PTPRN2: variants seen among roughly 807,000 people sequenced by gnomAD.
The protein encoded by PTPRN2 is protein tyrosine phosphatase receptor type N2, also known as receptor-type tyrosine-protein phosphatase N2.
A neutral mutation model predicts 118.8 loss-of-function variants in PTPRN2; 74 were observed. That is an observed-to-expected ratio of 0.62 (90% confidence interval 0.52 to 0.76). The LOEUF is 0.76. Among genes scored for constraint, PTPRN2 ranks in the 30% least tolerant of loss-of-function variants. The pLI is 0.00. For synonymous variants in PTPRN2, 641 were observed against 608.0 expected, an observed-to-expected ratio of 1.05 and a Z score of -0.80; for missense variants, 1,481 against 1,394.4, an observed-to-expected ratio of 1.06 and a Z score of -0.99.
At chr7:158,434,661 G>A (rs1816449904) in intron 2 of PTPRN2, among the ~76,000 whole-genome samples, 1 of 151,870 alleles carries the variant, frequency 6.6e-6, no homozygotes, top group South Asian at 2.1e-4. Context: ...CTAATATATT[G>A]GGATTTATAT....
At chr7:158,122,479 C>T (rs1396234298) in intron 9 of PTPRN2, among the ~76,000 whole-genome samples, 2 of 152,114 alleles carry the variant, frequency 1.3e-5, no homozygotes, top group African/African-American at 4.8e-5. Context: ...AATGAGTGCA[C>T]GGGTGGACGC....
rs770597276 is a variant in PTPRN2 at position 158,071,761 on chromosome 7, T to C, written c.1723+9537A>G. Among the ~76,000 whole-genome samples the C allele has an allele frequency of 4.6e-3, 603 of 132,202 alleles. 12 individuals carry two copies. The highest frequency in any genetic ancestry group is 9.0e-3 in the Middle Eastern group (2 of 222). The allele number at this position is 132,202 out of a possible 152,430, so 86.7% of individuals were successfully genotyped here. A position where few individuals can be genotyped will look rare whatever the true frequency, so the allele number is the denominator to read the frequency against. On this transcript the variant is annotated intron_variant, in intron 11 of 22. Transcript: ENST00000389418. ...GTGGAGGTGCTCATGGTGGAGGTGC[T>C]CGTGGTGATGGAGGTGCTTGTGGTG... is the stretch of plus-strand genomic sequence containing the variant.
In PTPRN2 at chr7:157,977,559, C is replaced by A. The variant is rs924221112; in HGVS notation, c.1724-78822G>T. Among the ~76,000 whole-genome samples the A allele has an allele frequency of 6.6e-6, 1 of 150,448 alleles. No individual in the cohort carries two copies. The highest frequency in any genetic ancestry group is 2.5e-5 in the African/African-American group (1 of 40,516). ...GTGAGTGTGTTCATGGAGTAGTGTACAAGGCCCCAGGTGGGATGACGTGAG... is the reference window on the plus strand; with the variant it reads ...GTGAGTGTGTTCATGGAGTAGTGTAAAAGGCCCCAGGTGGGATGACGTGAG... On this transcript the variant is annotated intron_variant, in intron 11 of 22. Transcript: ENST00000389418. The surrounding 1 kb of genome is among the most constrained non-coding windows in gnomAD (Gnocchi z 4.6).
chr7:158,112,451 A>G (rs1489371295), intron 9 of PTPRN2, among the ~76,000 whole-genome samples: 2 of 152,162 alleles, frequency 1.3e-5, no homozygotes, highest in Non-Finnish European at 2.9e-5. Context: ...AGACGAGTGC[A>G]GGAGGCCGTC....
At position 157,740,148 on chromosome 7, in the gene PTPRN2, A is replaced by G. The variant is rs1585348527; in HGVS notation, c.1789-57211T>C. 3 of 152,346 alleles carry G rather than the reference A, an allele frequency of 2.0e-5. No individual in the cohort carries two copies. The East Asian group carries it at 5.8e-4, about 29-fold the overall frequency. 9.4% of individuals were successfully genotyped at this position (152,346 alleles called of 1,614,324 possible). A position where few individuals can be genotyped will look rare whatever the true frequency, so the allele number is the denominator to read the frequency against. On this transcript the variant is annotated intron_variant, in intron 12 of 22. Transcript: ENST00000389418. ...ATCACTTTATTTAACCGTGTTGTAC[A>G]CATACACCCACTTTGCTTTGTATAT...
intron 2 of PTPRN2, among the ~76,000 whole-genome samples, chr7:158,407,151 GGTCCTGGGTCCTGGGTCCTGC>G (rs1563254168): frequency 9.0e-6 from 1 of 111,050 alleles, no homozygotes; most frequent in African/African-American, 3.1e-5. Context: ...CTGCGTCCTG[GGTCCTGGGTCCTGGGTCCTGC>G]GTCCTGCGTC....
chr7:158,156,982 T>C, intron 6 of PTPRN2, among the ~76,000 whole-genome samples: 1 of 151,392 alleles, frequency 6.6e-6, no homozygotes, highest in East Asian at 2.0e-4. Flanking sequence ...GGCCTCCCCA[T>C]TGTGCTAACA....
intron 1 of PTPRN2, among the ~76,000 whole-genome samples, chr7:158,572,112 A>T (rs1828074976): frequency 6.6e-6 from 1 of 152,204 alleles, no homozygotes. Context: ...AAGGTTCTGG[A>T]GGGCAGGGAC....
chr7:158,555,699 G>T lies in PTPRN2; in HGVS notation c.112+31859C>A, dbSNP rs1454691305. ...AAGCTGGCAACAGAGTCAGGAATCT[G>T]AAGGGTAAAGGGAGCTCTTCCGCCA... On this transcript the variant is annotated intron_variant, in intron 1 of 22. Transcript: ENST00000389418. The surrounding 1 kb of genome is among the most constrained non-coding windows in gnomAD (Gnocchi z 4.7). 2.6e-5 allele frequency among the ~76,000 whole-genome samples: 4 copies of T among 152,238 alleles called. No homozygotes were observed. The East Asian group carries it at 5.8e-4, about 22-fold the overall frequency.
chr7:158,133,590 C>G, intron 9 of PTPRN2, 87 bp downstream of exon 9: 4 of 1,487,316 alleles, frequency 2.7e-6, no homozygotes, highest in Non-Finnish European at 3.6e-6. Context: ...CGTATGCATC[C>G]GCCACAGCAA....
At chr7:158,323,300 C>A (rs1347023111) in intron 2 of PTPRN2, among the ~76,000 whole-genome samples, 1 of 152,152 alleles carries the variant, frequency 6.6e-6, no homozygotes, top group African/African-American at 2.4e-5. Flanking sequence ...AGGCTGGACC[C>A]CACAGAACTC....
intron 12 of PTPRN2, among the ~76,000 whole-genome samples, chr7:157,695,924 A>G (rs1335544098): frequency 6.9e-6 from 1 of 144,460 alleles, no homozygotes; most frequent in East Asian, 2.1e-4. Flanking sequence ...CCATCTACCC[A>G]TGCATACTGG....
chr7:158,249,619 T>C (rs1563037574), intron 3 of PTPRN2, among the ~76,000 whole-genome samples: 1 of 152,092 alleles, frequency 6.6e-6, no homozygotes, highest in Non-Finnish European at 1.5e-5. Context: ...GTGAGTTGGA[T>C]TGGCTGATGA....
At position 157,583,215 on chromosome 7, in the gene PTPRN2, C is replaced by T. The variant is rs567081261; in HGVS notation, c.2497-5075G>A. ...GACACGACGTTAAATTGAAATAAGC[C>T]GGACACAGAAGGACAGGCACCCCAT... is the stretch of plus-strand genomic sequence containing the variant. On this transcript the variant is annotated intron_variant, in intron 17 of 22. Transcript: ENST00000389418. This position sits in a 1 kb window ranked among gnomAD's most constrained non-coding sequence, Gnocchi z 5.5. Among the ~76,000 whole-genome samples, 182 of 152,138 alleles carry T rather than the reference C, an allele frequency of 1.2e-3. 1 individual carries two copies. Among genetic ancestry groups the T allele is most frequent in the African/African-American group, 4.0e-3 (167 of 41,500 alleles).
chr7:158,056,621 G>C (rs1156321222), intron 11 of PTPRN2, among the ~76,000 whole-genome samples: 1 of 152,194 alleles, frequency 6.6e-6, no homozygotes, highest in African/African-American at 2.4e-5. Context: ...ACAAAGCTCG[G>C]TCAGCTGCTG....
At chr7:157,584,879 G>A (rs531013993) in intron 17 of PTPRN2, among the ~76,000 whole-genome samples, 39 of 152,278 alleles carry the variant, frequency 2.6e-4, no homozygotes, top group Non-Finnish European at 5.3e-4. Flanking sequence ...CTGCCCAGAG[G>A]ACAGTCCTAA....
At chr7:158,325,929 A>C (rs753081888) in intron 2 of PTPRN2, among the ~76,000 whole-genome samples, 1 of 152,252 alleles carries the variant, frequency 6.6e-6, no homozygotes, top group Non-Finnish European at 1.5e-5. Flanking sequence ...ACGGGCAGTC[A>C]GTCTCACAGC....
At chr7:158,271,859 G>A (rs539499837) in intron 3 of PTPRN2, among the ~76,000 whole-genome samples, 32 of 152,224 alleles carry the variant, frequency 2.1e-4, no homozygotes, top group South Asian at 8.3e-4. Flanking sequence ...GGGCCTCAGC[G>A]CCTTGCAAAG....
intron 9 of PTPRN2, among the ~76,000 whole-genome samples, chr7:158,127,731 A>G (rs1817815977): frequency 6.6e-6 from 1 of 152,144 alleles, no homozygotes; most frequent in African/African-American, 2.4e-5. Context: ...TGGTCTCTGA[A>G]GCTCTTGCCT....
Sources: allele counts gnomAD v4.1 joint callset (sites outside exome capture counted in the v4.1 genomes callset), GRCh38; gene constraint gnomAD v4.1.1; non-coding constraint Gnocchi (gnomAD v3.1); transcripts MANE v1.5; gene names NCBI Gene and HGNC (gene_info 2026-07-23, HGNC 2026-07-21).